DIAPH1: variants seen among roughly 807,000 people sequenced by gnomAD.
The protein encoded by DIAPH1 is diaphanous related formin 1.
In DIAPH1, 46 loss-of-function variants were observed where a neutral mutation model predicts 140.7. The observed-to-expected ratio is 0.33, with a 90% CI of 0.26 to 0.42. The LOEUF (loss-of-function observed/expected upper bound fraction) is 0.42, where lower values mean the gene tolerates loss of function less well. Among genes scored for constraint, DIAPH1 ranks in the 10% least tolerant of loss-of-function variants. DIAPH1 has a pLI of 1.00. For missense variants in DIAPH1, 1,310 were observed against 1,558.7 expected, an observed-to-expected ratio of 0.84 and a Z score of 2.69; for synonymous variants, 565 against 551.6, an observed-to-expected ratio of 1.02 and a Z score of -0.34.
Position 141,617,474 on chromosome 5 carries a change from C to T in DIAPH1, c.117+1324G>A, listed in dbSNP as rs543415739. On this transcript the variant is annotated intron_variant, in intron 1 of 27. Transcript: ENST00000389054. ...ACCCTCCAGGGTTAACATCTCAACC[C>T]TCTAGGTCATAAAACAACATTTTCT... 5.9e-5 allele frequency among the ~76,000 whole-genome samples: 9 copies of T among 152,254 alleles called. No individual in the cohort carries two copies. The South Asian group carries it at 1.9e-3, about 32-fold the overall frequency.
chr5:141,590,285 CT>C (rs779085523), intron 1 of DIAPH1, among the ~76,000 whole-genome samples: 1 of 152,134 alleles, frequency 6.6e-6, no homozygotes, highest in African/African-American at 2.4e-5. Flanking sequence ...AAACTTTGAC[CT>C]CCATTGTCCA....
In DIAPH1 at chr5:141,534,430, T is replaced by C; in HGVS notation, c.2486A>G (p.Lys829Arg). The C allele has an allele frequency of 6.2e-7, 1 of 1,613,268 alleles. No individual in the cohort carries two copies. Among genetic ancestry groups the C allele is most frequent in the Non-Finnish European group, 8.5e-7 (1 of 1,179,682 alleles). The change falls in exon 19 of 28, where the codon AAG becomes AGG. Residue 829 changes from lysine to arginine, a missense_variant. By Grantham distance (26) the Lys-to-Arg change is conservative. Coordinates refer to ENST00000389054, the MANE Select transcript of DIAPH1 (RefSeq NM_005219.5). ...FSAQTKTSKA[K>R]KDQEGGEEKK... ...TTCTTCTCCACCTTCTTGATCCTTC[T>C]TGGCTAGCAGGGAAAAGATTAGAAA...
At chr5:141,544,639 T>C (rs2099890510) in intron 18 of DIAPH1, among the ~76,000 whole-genome samples, 1 of 152,208 alleles carries the variant, frequency 6.6e-6, no homozygotes, top group African/African-American at 2.4e-5. Context: ...CAGTAAGTCA[T>C]GAAAACTATG....
chr5:141,590,141 A>C (rs2099898178), intron 1 of DIAPH1, among the ~76,000 whole-genome samples: 1 of 152,230 alleles, frequency 6.6e-6, no homozygotes, highest in African/African-American at 2.4e-5. Flanking sequence ...ATGGACAAGA[A>C]AAATCTACAT....
rs772703740 is a variant in DIAPH1, at chr5:141,579,076, G to A, written c.933+12C>T. ...TTCTATTCTTGGGCCCAGTTTCAGG[G>A]GATATACATGCCTTCAGTGCAATAG... is the stretch of plus-strand genomic sequence containing the variant. On this transcript the variant is annotated intron_variant, in intron 9 of 27. Coordinates refer to ENST00000389054, the MANE Select transcript of DIAPH1 (RefSeq NM_005219.5). 42 of 1,595,006 alleles carry A rather than the reference G, an allele frequency of 2.6e-5. No individual in the cohort carries two copies. Among genetic ancestry groups the A allele is most frequent in the South Asian group, 2.2e-4 (20 of 90,698 alleles).
intron 20 of DIAPH1, 21 bp from the exon 21 acceptor site, chr5:141,529,294 C>T (rs201776317): frequency 1.3e-6 from 2 of 1,595,920 alleles, no homozygotes; most frequent in East Asian, 4.5e-5. Context: ...GAAGAGACAT[C>T]TCAGCTGGAG....
chr5:141,591,981 C>T (rs1165946202), intron 1 of DIAPH1, among the ~76,000 whole-genome samples: 9 of 149,816 alleles, frequency 6.0e-5, no homozygotes, highest in Non-Finnish European at 1.2e-4. Context: ...ACTCAGGAGG[C>T]CGAGGCAGGA....
At chr5:141,523,218 T>C (rs562608269) in intron 27 of DIAPH1, among the ~76,000 whole-genome samples, 66 of 152,200 alleles carry the variant, frequency 4.3e-4, no homozygotes, top group Non-Finnish European at 7.8e-4. Flanking sequence ...ACAGGGAACA[T>C]AGATTTAAGT....
rs531271255 is a variant in DIAPH1, at chr5:141,530,386, G to T, written c.2582-689C>A. 4.6e-5 allele frequency among the ~76,000 whole-genome samples: 7 copies of T among 152,158 alleles called. No individual in the cohort carries two copies. In the South Asian group the frequency reaches 1.5e-3, roughly 32 times the overall value. On this transcript the variant is annotated intron_variant, in intron 19 of 27. Coordinates refer to ENST00000389054, the MANE Select transcript of DIAPH1 (RefSeq NM_005219.5). ...TTGCTCTCTACTATGACTCCCATTA[G>T]TATTATTACTCCTACTATTACCTTT...
rs79447952 is a variant in DIAPH1 at position 141,543,328 on chromosome 5, A to G, written c.2483-8895T>C. 1.7e-3 allele frequency among the ~76,000 whole-genome samples: 259 copies of G among 152,334 alleles called. 2 individuals carry two copies. The highest frequency in any genetic ancestry group is 5.9e-3 in the African/African-American group (246 of 41,576). ...TCCATGACAGGCAAATCCATATGAT[A>G]GTAAGTAAATTAGCAGATGCCAAGT... is the stretch of plus-strand genomic sequence containing the variant. On this transcript the variant is annotated intron_variant, in intron 18 of 27. Coordinates refer to ENST00000389054, the MANE Select transcript of DIAPH1 (RefSeq NM_005219.5).
rs1449855233 is a variant in DIAPH1, at chr5:141,529,616, T to G, written c.2663A>C (p.Glu888Ala). 1 of 1,613,906 alleles carries G rather than the reference T, an allele frequency of 6.2e-7. No homozygotes were observed. Among genetic ancestry groups the G allele is most frequent in the Admixed American group, 1.7e-5 (1 of 60,022 alleles). ...ILEVNEAVLT[E>A]SMIQNLIKQM... ...CTTACTCCTTACCTGGATCATAGACTCAGTCAGAACAGCCTCATTCACCTC... is the reference window on the plus strand; with the variant it reads ...CTTACTCCTTACCTGGATCATAGACGCAGTCAGAACAGCCTCATTCACCTC... Residue 888 changes from glutamate (E) to alanine (A), a missense_variant, in exon 20 of 28, where the codon GAG becomes GCG. Glu to Ala is a moderately radical substitution (Grantham distance 107). Around this residue, in one of 3 missense-constraint regions of DIAPH1, gnomAD observed 344 missense variants for 512.2 expected, o/e 0.67. Transcript: ENST00000389054.
rs781398463 is a variant in DIAPH1 at position 141,573,935 on chromosome 5, T to C, written c.1915A>G (p.Ile639Val). The C allele has an allele frequency of 2.6e-6, 4 of 1,539,010 alleles. No individual in the cohort carries two copies. Among genetic ancestry groups the C allele is most frequent in the African/African-American group, 2.9e-5 (2 of 67,942 alleles). Residue 639 changes from isoleucine to valine, a missense_variant, in exon 16 of 28, where the codon ATC becomes GTC. By Grantham distance (29) the Ile-to-Val change is conservative. This residue lies in a region of DIAPH1 where 589 missense variants were observed against 549.3 expected (regional missense o/e 1.07). Transcript: ENST00000389054. The part of the protein sequence containing the change: ...SPPSLPGGTA[I>V]SPPPPLSGDA... The stretch of plus-strand genomic sequence containing the variant: ...CCAGACAAAGGAGGGGGTGGAGAGA[T>C]AGCAGTACCTCCAGGTAAAGAAGGG...
intron 18 of DIAPH1, among the ~76,000 whole-genome samples, chr5:141,548,462 C>T (rs1430541939): frequency 6.6e-6 from 1 of 152,140 alleles, no homozygotes; most frequent in Admixed American, 6.5e-5. Context: ...AGCAAAAACA[C>T]TAGAAAGGTG....
At position 141,577,468 on chromosome 5, in the gene DIAPH1, A is replaced by G. The variant is rs2154596415; in HGVS notation, c.1280+7T>C. ...ATTCAAAACTTCTCATAAGCACAGC[A>G]TCTTACCTGGCCTCATAGTCATTTC... On this transcript the variant is annotated splice_region_variant and intron_variant, in intron 12 of 27. Coordinates refer to ENST00000389054, the MANE Select transcript of DIAPH1 (RefSeq NM_005219.5). 6.3e-7 allele frequency: 1 copy of G among 1,586,832 alleles called. No homozygotes were observed. Among genetic ancestry groups the G allele is most frequent in the Non-Finnish European group, 8.7e-7 (1 of 1,155,190 alleles).
intron 18 of DIAPH1, among the ~76,000 whole-genome samples, chr5:141,542,229 C>T (rs1442955511): frequency 1.3e-5 from 2 of 152,136 alleles, no homozygotes; most frequent in African/African-American, 2.4e-5. Flanking sequence ...ATCAGGAGTT[C>T]GAGACCAGCC....
intron 18 of DIAPH1, among the ~76,000 whole-genome samples, chr5:141,547,148 G>A (rs947538447): frequency 6.6e-6 from 1 of 152,204 alleles, no homozygotes; most frequent in Non-Finnish European, 1.5e-5. Context: ...TGAAGACGGA[G>A]AAGTTCATCA....
In DIAPH1 at chr5:141,578,567, C is replaced by A; in HGVS notation, c.992G>T (p.Arg331Leu). ...CATCAGTTCACTTCTGATGTGAACT[C>A]GGAAGTCAAGTTCCTCCGCTGGTGT... is the stretch of plus-strand genomic sequence containing the variant. ...LITPAEELDF[R>L]VHIRSELMRL... Residue 331 changes from arginine (R) to leucine (L), a missense_variant, in exon 10 of 28, where the codon CGA becomes CTA. Arg to Leu is a moderately radical substitution (Grantham distance 102, BLOSUM62 -2). Transcript: ENST00000389054. 6.2e-7 allele frequency: 1 copy of A among 1,613,944 alleles called. No homozygotes were observed. The highest frequency in any genetic ancestry group is 8.5e-7 in the Non-Finnish European group (1 of 1,180,018).
rs2099887785 is a variant in DIAPH1, at chr5:141,528,862, A to C, written c.2858T>G (p.Ile953Ser). 2 of 1,614,118 alleles carry C rather than the reference A, an allele frequency of 1.2e-6. No individual in the cohort carries two copies. The highest frequency in any genetic ancestry group is 1.3e-5 in the African/African-American group (1 of 74,946). The change falls in exon 22 of 28, where the codon ATC becomes AGC. Residue 953 changes from isoleucine (I) to serine (S), a missense_variant. By Grantham distance (142) the Ile-to-Ser change is moderately radical (BLOSUM62 -2). This residue lies in a region of DIAPH1 where 344 missense variants were observed against 512.2 expected (regional missense o/e 0.67). Transcript: ENST00000389054. Reference protein sequence around the residue: ...KLQFSEQVENIKPEIVSVTAA... With the variant: ...KLQFSEQVENSKPEIVSVTAA... ...AGTGACAGACACAATCTCTGGCTTG[A>C]TATTCTCCACTTGCTCGCTGAATTG... is the stretch of plus-strand genomic sequence containing the variant.
chr5:141,563,255 G>A (rs1412634958), intron 18 of DIAPH1: 1 of 152,184 alleles, frequency 6.6e-6, no homozygotes, highest in Non-Finnish European at 1.5e-5. Flanking sequence ...AAGATGGCAA[G>A]AAAAGTGCCT....
Sources: gnomAD v4.1 joint callset for allele counts (sites outside exome capture counted in the v4.1 genomes callset) on GRCh38, gnomAD v4.1.1 for gene constraint, gnomAD v4.1.1 regional missense constraint, MANE v1.5 for transcripts, NCBI Gene and HGNC (gene_info 2026-07-23, HGNC 2026-07-21) for gene names.